PCDH17: variants seen among roughly 807,000 people sequenced by gnomAD.
The protein encoded by PCDH17 is protocadherin-17.
A neutral mutation model predicts 67.7 loss-of-function variants in PCDH17; 21 were observed. The observed-to-expected ratio is 0.31, with a 90% confidence interval of 0.22 to 0.45. The LOEUF (loss-of-function observed/expected upper bound fraction) is 0.45, where lower values mean the gene tolerates loss of function less well. PCDH17 is among the 20% of genes least tolerant of loss of function. PCDH17 has a pLI of 1.00. For missense variants in PCDH17, 1,471 were observed against 1,564.8 expected (o/e 0.94, Z 1.01); for synonymous variants, 701 against 656.7 (o/e 1.07, Z -1.03).
intron 1 of PCDH17, among the ~76,000 whole-genome samples, chr13:57,659,257 T>G (rs1037169293): frequency 6.6e-6 from 1 of 152,188 alleles, no homozygotes; most frequent in Admixed American, 6.5e-5. Context: ...TACAGTTTCC[T>G]ACTGCTCACA....
At chr13:57,647,378 C>G (rs1272268024) in intron 1 of PCDH17, among the ~76,000 whole-genome samples, 1 of 151,754 alleles carries the variant, frequency 6.6e-6, no homozygotes, top group Non-Finnish European at 1.5e-5. Context: ...GCTCTGGTCT[C>G]TTTTCTGTGA....
chr13:57,647,076 A>G (rs1383305184), intron 1 of PCDH17, among the ~76,000 whole-genome samples: 2 of 151,750 alleles, frequency 1.3e-5, no homozygotes, highest in African/African-American at 4.8e-5. Context: ...ACTATCGTAC[A>G]TGCTTTCTTT....
chr13:57,632,474 C>A lies in PCDH17; in HGVS notation c.-73C>A. 6.8e-7 allele frequency: 1 copy of A among 1,470,420 alleles called. No individual in the cohort carries two copies. Among genetic ancestry groups the A allele is most frequent in the East Asian group, 2.5e-5 (1 of 40,662 alleles). The allele number at this position is 1,470,420 out of a possible 1,614,324, so 91.1% of individuals were successfully genotyped here. ...GTCGCGCGCGCACGCTGCGCCAGGG[C>A]CCCAGGCTGGCGCGCACTCCCTCTC... On this transcript the variant is annotated 5_prime_UTR_variant, in exon 1 of 4. Transcript: ENST00000377918.
At chr13:57,665,309 C>T (rs1273892211) in intron 1 of PCDH17, among the ~76,000 whole-genome samples, 1 of 152,022 alleles carries the variant, frequency 6.6e-6, no homozygotes, top group African/African-American at 2.4e-5. Context: ...AACTATCATT[C>T]TTAATATGCC....
chr13:57,689,711 A>C (rs1370003879), intron 3 of PCDH17, among the ~76,000 whole-genome samples: 1 of 151,932 alleles, frequency 6.6e-6, no homozygotes, highest in Non-Finnish European at 1.5e-5. Context: ...TTATCTTAAC[A>C]CTTAGCATTA....
Position 57,634,495 on chromosome 13 carries a change from C to A in PCDH17, c.1949C>A (p.Pro650His), listed in dbSNP as rs779434540. Residue 650 changes from proline to histidine, a missense_variant, in exon 1 of 4, where the codon CCT becomes CAT. Transcript: ENST00000377918. This position sits in a 1 kb window ranked among gnomAD's most constrained non-coding sequence, Gnocchi z 7.8. Reference protein sequence around the residue: ...PSSGEIRTLHPFWEDVTPVVE... With the variant: ...PSSGEIRTLHHFWEDVTPVVE... ...AGCGGCGAGATCCGCACGCTGCACC[C>A]TTTCTGGGAGGACGTGACGCCCGTG... 2.5e-6 allele frequency: 4 copies of A among 1,612,840 alleles called. No individual in the cohort carries two copies. The highest frequency in any genetic ancestry group is 3.3e-5 in the Admixed American group (2 of 59,984).
chr13:57,665,012 C>T (rs747349367), intron 1 of PCDH17, among the ~76,000 whole-genome samples: 4 of 152,114 alleles, frequency 2.6e-5, no homozygotes, highest in African/African-American at 7.2e-5. Flanking sequence ...TAGTAAAAGA[C>T]GGTTAGGAGT....
At chr13:57,682,234 A>C (rs1413154367) in intron 3 of PCDH17, among the ~76,000 whole-genome samples, 1 of 151,656 alleles carries the variant, frequency 6.6e-6, no homozygotes, top group Non-Finnish European at 1.5e-5. Flanking sequence ...TCTCTTCCTC[A>C]TGCTAACATC....
intron 3 of PCDH17, among the ~76,000 whole-genome samples, chr13:57,693,338 A>ATATATT (rs1555286766): frequency 1.1e-4 from 16 of 142,124 alleles, no homozygotes; most frequent in African/African-American, 4.1e-4. Flanking sequence ...ATATATATAT[A>ATATATT]TATATATCAA....
At chr13:57,697,152 A>G (rs1955618241) in intron 3 of PCDH17, among the ~76,000 whole-genome samples, 1 of 151,566 alleles carries the variant, frequency 6.6e-6, no homozygotes, top group South Asian at 2.1e-4. Context: ...ATTAAGCTGC[A>G]TGAGCTTGTT....
At chr13:57,681,252 A>G (rs2138048007) in intron 3 of PCDH17, among the ~76,000 whole-genome samples, 1 of 151,858 alleles carries the variant, frequency 6.6e-6, no homozygotes, top group South Asian at 2.1e-4. Flanking sequence ...TTAAGTGCAA[A>G]GGAGAGTTTG....
At chr13:57,708,022 A>G (rs1197187248) in intron 3 of PCDH17, among the ~76,000 whole-genome samples, 1 of 152,044 alleles carries the variant, frequency 6.6e-6, no homozygotes, top group Non-Finnish European at 1.5e-5. Flanking sequence ...TATCCAATCA[A>G]GTACACAGCC....
chr13:57,710,763 A>G (rs939887481), intron 3 of PCDH17, among the ~76,000 whole-genome samples: 1 of 151,944 alleles, frequency 6.6e-6, no homozygotes, highest in African/African-American at 2.4e-5. Context: ...ATACATGTAT[A>G]TTATAGTAAT....
upstream of PCDH17, among the ~76,000 whole-genome samples, chr13:57,630,145 G>A (rs1022341179): frequency 2.0e-5 from 3 of 152,320 alleles, no homozygotes; most frequent in South Asian, 6.2e-4. Context: ...CAGGGATCGC[G>A]AGCCCGGCGG....
chr13:57,637,646 A>G (rs1428141883), intron 1 of PCDH17, among the ~76,000 whole-genome samples: 1 of 152,006 alleles, frequency 6.6e-6, no homozygotes. Flanking sequence ...CCTAACTGCT[A>G]CTAGGTCTGG....
intron 3 of PCDH17, among the ~76,000 whole-genome samples, chr13:57,700,071 CA>C (rs1955647942): frequency 6.6e-6 from 1 of 151,882 alleles, no homozygotes; most frequent in African/African-American, 2.4e-5. Flanking sequence ...GTGGTTTGGT[CA>C]ACACATTATG....
intron 1 of PCDH17, among the ~76,000 whole-genome samples, chr13:57,643,085 T>A (rs1302233338): frequency 2.0e-5 from 3 of 151,606 alleles, no homozygotes; most frequent in Non-Finnish European, 4.4e-5. Context: ...ACTGAATACT[T>A]GATATATTTT....
intron 3 of PCDH17, among the ~76,000 whole-genome samples, chr13:57,706,698 T>C (rs1955724746): frequency 1.3e-5 from 2 of 152,176 alleles, no homozygotes; most frequent in Non-Finnish European, 2.9e-5. Flanking sequence ...ATCTTCTGTG[T>C]TGACAGGATG....
chr13:57,632,602 A>T lies in PCDH17; in HGVS notation c.56A>T (p.Lys19Met). ...FLLWAPALTL[K>M]NLNYSVPEEQ... ...CTATGGGCCCCTGCCCTCACTCTCA[A>T]GAACCTCAACTACTCCGTGCCGGAG... Residue 19 changes from lysine to methionine, a missense_variant, in exon 1 of 4, where the codon AAG (lysine) becomes ATG (methionine). Coordinates refer to ENST00000377918, the MANE Select transcript of PCDH17 (RefSeq NM_001040429.3). 1 of 1,613,896 alleles carries T rather than the reference A, an allele frequency of 6.2e-7. No individual in the cohort carries two copies. The highest frequency in any genetic ancestry group is 8.5e-7 in the Non-Finnish European group (1 of 1,179,946).
Sources: gnomAD v4.1 joint callset for allele counts (sites outside exome capture counted in the v4.1 genomes callset) on GRCh38, gnomAD v4.1.1 for gene constraint, Gnocchi (gnomAD v3.1) non-coding constraint, MANE v1.5 for transcripts, NCBI Gene and HGNC (gene_info 2026-07-23, HGNC 2026-07-21) for gene names.